The following ADGRA3 variants were observed in gnomAD, a reference collection of about 807,000 sequenced individuals.
ADGRA3 encodes G-protein coupled receptor 125.
Under a neutral mutation model 119.8 loss-of-function variants are expected in ADGRA3, and 56 were observed. That is an observed-to-expected ratio of 0.47 (90% CI 0.38 to 0.58). The LOEUF (loss-of-function observed/expected upper bound fraction) is 0.58, where lower values mean the gene tolerates loss of function less well. Among genes scored for constraint, ADGRA3 ranks in the 20% least tolerant of loss-of-function variants. The pLI is 0.00. For synonymous variants in ADGRA3, 607 were observed against 623.8 expected, an observed-to-expected ratio of 0.97 and a Z score of 0.40; for missense variants, 1,516 against 1,649.0, an observed-to-expected ratio of 0.92 and a Z score of 1.40.
At chr4:22,408,822 C>T (rs143578857) in intron 14 of ADGRA3, among the ~76,000 whole-genome samples, 211 of 152,274 alleles carry the variant, frequency 1.4e-3, no homozygotes, top group African/African-American at 4.9e-3. Flanking sequence ...TACATGAGTA[C>T]TCACAGCAGC....
intron 1 of ADGRA3, among the ~76,000 whole-genome samples, chr4:22,495,693 G>T (rs1044896119): frequency 1.3e-5 from 2 of 151,948 alleles, no homozygotes; most frequent in Non-Finnish European, 2.9e-5. Context: ...TGGATGACGA[G>T]GTCAGGAGAT....
chr4:22,420,676 AAG>A (rs1715622491), intron 12 of ADGRA3: 1 of 573,346 alleles, frequency 1.7e-6, no homozygotes, highest in African/African-American at 1.9e-5. Context: ...TATGTGAAGA[AAG>A]GGAATCAAAG....
intron 1 of ADGRA3, among the ~76,000 whole-genome samples, chr4:22,506,244 T>C (rs944266443): frequency 6.6e-6 from 1 of 152,182 alleles, no homozygotes; most frequent in Non-Finnish European, 1.5e-5. Flanking sequence ...GGACAAGAAA[T>C]GCTTTGCTGG....
intron 4 of ADGRA3, among the ~76,000 whole-genome samples, chr4:22,447,912 A>C (rs1345741807): frequency 2.0e-5 from 3 of 152,190 alleles, no homozygotes; most frequent in African/African-American, 7.2e-5. Context: ...AAAATAACAA[A>C]AGGAAAAGGA....
intron 1 of ADGRA3, among the ~76,000 whole-genome samples, chr4:22,487,975 G>A (rs1317023159): frequency 1.3e-5 from 2 of 151,934 alleles, no homozygotes; most frequent in Admixed American, 6.6e-5. Flanking sequence ...TTGGGGTGCC[G>A]GATGTCAGGG....
intron 2 of ADGRA3, among the ~76,000 whole-genome samples, chr4:22,470,199 T>C (rs1717809207): frequency 6.6e-6 from 1 of 151,832 alleles, no homozygotes; most frequent in Admixed American, 6.6e-5. Context: ...CATAGACTTC[T>C]AAAATAAAGC....
chr4:22,490,632 T>A (rs1718590359), intron 1 of ADGRA3, among the ~76,000 whole-genome samples: 1 of 152,156 alleles, frequency 6.6e-6, no homozygotes, highest in South Asian at 2.1e-4. Flanking sequence ...AAGAGGGATA[T>A]GTAACTGAAT....
chr4:22,419,648 T>C (rs1715569118), intron 12 of ADGRA3, among the ~76,000 whole-genome samples: 1 of 152,208 alleles, frequency 6.6e-6, no homozygotes, highest in Non-Finnish European at 1.5e-5. Flanking sequence ...ACTGTGATCA[T>C]CTAAGACAGA....
chr4:22,442,585 C>T, intron 7 of ADGRA3, 65 bp downstream of exon 7: 1 of 1,126,300 alleles, frequency 8.9e-7, no homozygotes, highest in Non-Finnish European at 1.3e-6. Flanking sequence ...AAACATTACA[C>T]CTCCAAAAGG....
chr4:22,493,702 C>T (rs1718708563), intron 1 of ADGRA3, among the ~76,000 whole-genome samples: 1 of 152,130 alleles, frequency 6.6e-6, no homozygotes, highest in Admixed American at 6.5e-5. Context: ...TTGTCAGAGG[C>T]ACGTGAACCA....
intron 1 of ADGRA3, among the ~76,000 whole-genome samples, chr4:22,513,376 G>C (rs928849061): frequency 4.6e-5 from 7 of 151,748 alleles, no homozygotes; most frequent in African/African-American, 1.7e-4. Flanking sequence ...GGCTGGTCTC[G>C]AACTCCTGAC....
chr4:22,456,440 G>A (rs774717685), intron 3 of ADGRA3, among the ~76,000 whole-genome samples: 9 of 152,040 alleles, frequency 5.9e-5, no homozygotes, highest in Non-Finnish European at 1.2e-4. Flanking sequence ...GTCTCTCTCT[G>A]CTCTCTCTCT....
intron 11 of ADGRA3, 87 bp downstream of exon 11, chr4:22,424,104 T>C (rs1026721100): frequency 8.2e-6 from 9 of 1,093,218 alleles, no homozygotes; most frequent in East Asian, 2.6e-5. Flanking sequence ...ATCCACCCCA[T>C]AATGGAGAAG....
chr4:22,402,751 G>A lies in ADGRA3; in HGVS notation c.2281C>T (p.Pro761Ser). The change falls in exon 15 of 19, where the codon CCT becomes TCT. Residue 761 changes from proline (P) to serine (S), a missense_variant. Pro to Ser is a moderately conservative substitution (Grantham distance 74, BLOSUM62 -1). This residue lies in a region of ADGRA3 where 1,088 missense variants were observed against 1,107.1 expected (regional missense o/e 0.98). Coordinates refer to ENST00000334304, the MANE Select transcript of ADGRA3 (RefSeq NM_145290.4). The stretch of plus-strand genomic sequence containing the variant: ...ATGATAGCGGTAGTATAAACCACAG[G>A]ATGCAGGAGGCTGGCCGCCTGGGTG... ...LYTQAASLLHPVVYTTAIILL... is the reference protein window; with the variant it reads ...LYTQAASLLHSVVYTTAIILL... 6.2e-7 allele frequency: 1 copy of A among 1,613,768 alleles called. No homozygotes were observed. The highest frequency in any genetic ancestry group is 2.2e-5 in the East Asian group (1 of 44,858).
chr4:22,422,934 C>T (rs1253305516), intron 11 of ADGRA3, among the ~76,000 whole-genome samples: 1 of 152,138 alleles, frequency 6.6e-6, no homozygotes, highest in Non-Finnish European at 1.5e-5. Flanking sequence ...GTGGCTCACG[C>T]CTGTAATCCC....
chr4:22,417,083 A>C (rs1417749919), intron 12 of ADGRA3, among the ~76,000 whole-genome samples: 1 of 152,204 alleles, frequency 6.6e-6, no homozygotes. Flanking sequence ...CACTTACTTG[A>C]CTTTAAACAG....
At chr4:22,426,268 AAAT>A (rs1715928668) in intron 10 of ADGRA3, among the ~76,000 whole-genome samples, 1 of 152,164 alleles carries the variant, frequency 6.6e-6, no homozygotes, top group Non-Finnish European at 1.5e-5. Flanking sequence ...GATCCTATTA[AAAT>A]AAGTTTTCTG....
At chr4:22,404,983 T>C in intron 14 of ADGRA3, among the ~76,000 whole-genome samples, 1 of 152,128 alleles carries the variant, frequency 6.6e-6, no homozygotes, top group African/African-American at 2.4e-5. Context: ...CTGCTTTAGA[T>C]TACTGCAGGA....
Position 22,413,754 on chromosome 4 carries a change from T to C in ADGRA3, c.1870A>G (p.Arg624Gly), listed in dbSNP as rs1000071093. The C allele has an allele frequency of 3.1e-6, 5 of 1,613,906 alleles. No individual in the cohort carries two copies. Among genetic ancestry groups the C allele is most frequent in the Non-Finnish European group, 3.4e-6 (4 of 1,179,878 alleles). The change falls in exon 13 of 19, where the codon AGA becomes GGA. Residue 624 changes from arginine (R) to glycine (G), a missense_variant. This residue lies in a region of ADGRA3 where 1,088 missense variants were observed against 1,107.1 expected (regional missense o/e 0.98). Coordinates refer to ENST00000334304, the MANE Select transcript of ADGRA3 (RefSeq NM_145290.4). Reference sequence around the variant, plus strand: ...GAGTCATCAGTTGGTCTGAGTTCTCTTTTTTGCTTTGGTGAGAAAAGGGAA... The same window carrying C: ...GAGTCATCAGTTGGTCTGAGTTCTCCTTTTTGCTTTGGTGAGAAAAGGGAA... ...PPSLFSPKQK[R>G]ELRPTDDSLY...
Sources: allele counts gnomAD v4.1 joint callset (sites outside exome capture counted in the v4.1 genomes callset), GRCh38; gene constraint gnomAD v4.1.1; regional missense constraint gnomAD v4.1.1; transcripts MANE v1.5; gene names NCBI Gene and HGNC (gene_info 2026-07-23, HGNC 2026-07-21).